Variants in DPP8 observed in about 807,000 individuals in gnomAD.
The protein encoded by DPP8 is DPP VIII.
In DPP8, 31 loss-of-function variants were observed where a neutral mutation model predicts 107.5. That is an observed-to-expected ratio of 0.29 (90% confidence interval 0.22 to 0.39). The LOEUF is 0.39. Among genes scored for constraint, DPP8 ranks in the 10% least tolerant of loss-of-function variants. The pLI, the probability that DPP8 is intolerant of heterozygous loss-of-function variation, is 1.00. For missense variants in DPP8, 842 were observed against 1,076.1 expected, an observed-to-expected ratio of 0.78 and a Z score of 3.04; for synonymous variants, 381 against 356.6, an observed-to-expected ratio of 1.07 and a Z score of -0.77.
intron 19 of DPP8, among the ~76,000 whole-genome samples, chr15:65,448,789 CATATATA>C (rs1422688755): frequency 1.1e-4 from 14 of 123,504 alleles, no homozygotes; most frequent in African/African-American, 4.2e-4. Flanking sequence ...CTAAAATATA[CATATATA>C]ATATATAAAA....
At chr15:65,506,055 G>A (rs534301291) in intron 3 of DPP8, among the ~76,000 whole-genome samples, 4 of 151,992 alleles carry the variant, frequency 2.6e-5, no homozygotes, top group East Asian at 1.9e-4. Context: ...GGCCAAGGCC[G>A]GTGCGGTGGC....
At chr15:65,485,012 A>G in intron 8 of DPP8, 87 bp downstream of exon 8, 1 of 1,106,186 alleles carries the variant, frequency 9.0e-7, no homozygotes. Flanking sequence ...AGCAAGTCCA[A>G]AAATAAAAAA....
chr15:65,451,693 G>A (rs1595848519), intron 18 of DPP8, among the ~76,000 whole-genome samples: 3 of 152,200 alleles, frequency 2.0e-5, no homozygotes, highest in Middle Eastern at 3.4e-3. Flanking sequence ...GGGAGTCTGA[G>A]GTGGGCAGAT....
At chr15:65,470,105 G>A (rs1342367092) in intron 12 of DPP8, among the ~76,000 whole-genome samples, 2 of 137,526 alleles carry the variant, frequency 1.5e-5, no homozygotes, top group African/African-American at 5.4e-5. Context: ...TTAAGCAGGA[G>A]AATCACTTGA....
intron 2 of DPP8, among the ~76,000 whole-genome samples, chr15:65,508,508 A>T (rs1888609605): frequency 6.6e-6 from 1 of 152,174 alleles, no homozygotes. Context: ...TATGGTTATG[A>T]AGATATGAAC....
intron 12 of DPP8, among the ~76,000 whole-genome samples, chr15:65,473,352 G>A (rs1291571737): frequency 6.6e-6 from 1 of 151,454 alleles, no homozygotes. Flanking sequence ...AAGAATAGAG[G>A]GAAAATAGAG....
chr15:65,500,732 T>A lies in DPP8; in HGVS notation c.420A>T (p.Arg140Ser), dbSNP rs776106680. ...CGACTGTTCCAATGCGTTTTCTTTCTCTTAATAGTTCTTCTTCTCGAGAAT... is the reference window on the plus strand; with the variant it reads ...CGACTGTTCCAATGCGTTTTCTTTCACTTAATAGTTCTTCTTCTCGAGAAT... ...GMYSREEELL[R>S]ERKRIGTVGI... The change falls in exon 4 of 20, where the codon AGA (arginine) becomes AGT (serine). Residue 140 changes from arginine to serine, a missense_variant. Transcript: ENST00000300141. 2 of 1,614,128 alleles carry A rather than the reference T, an allele frequency of 1.2e-6. No homozygotes were observed. The highest frequency in any genetic ancestry group is 1.7e-6 in the Non-Finnish European group (2 of 1,179,988).
Position 65,451,943 on chromosome 15 carries a change from A to AG in DPP8, c.2414+16_2414+17insC, listed in dbSNP as rs1261433481. ...CTGTCTCAATTTAAAAAAAAAAAAA[A>AG]AAAAGCTTGCACTTACTCAGAGGGG... On this transcript the variant is annotated intron_variant, in intron 18 of 19. Coordinates refer to ENST00000300141, the MANE Select transcript of DPP8 (RefSeq NM_130434.5). 5 of 1,567,138 alleles carry AG rather than the reference A, an allele frequency of 3.2e-6. No homozygotes were observed. Among genetic ancestry groups the AG allele is most frequent in the Non-Finnish European group, 3.4e-6 (4 of 1,167,136 alleles).
chr15:65,458,158 T>A (rs2140401231), intron 15 of DPP8, among the ~76,000 whole-genome samples: 1 of 152,328 alleles, frequency 6.6e-6, no homozygotes, highest in South Asian at 2.1e-4. Flanking sequence ...CAGTATCAAT[T>A]CTTCAAAACC....
At chr15:65,498,074 C>T (rs373267075) in intron 4 of DPP8, 42 bp from the exon 5 acceptor site, 24 of 1,399,612 alleles carry the variant, frequency 1.7e-5, no homozygotes, top group Non-Finnish European at 2.1e-5. Context: ...ATTAGGCTGA[C>T]ACATACATGT....
At chr15:65,452,751 C>T (rs909411279) in intron 17 of DPP8, among the ~76,000 whole-genome samples, 7 of 152,198 alleles carry the variant, frequency 4.6e-5, no homozygotes, top group African/African-American at 1.7e-4. Context: ...GCGGGCGGAT[C>T]ACCCAAGGTC....
chr15:65,489,412 A>ATTTT (rs1567234759), intron 6 of DPP8, among the ~76,000 whole-genome samples: 5 of 20,702 alleles, frequency 2.4e-4, no homozygotes, highest in African/African-American at 5.0e-4. Context: ...AATATAATCT[A>ATTTT]CTTTTTTTTT....
chr15:65,498,076 C>T (rs1567261121), intron 4 of DPP8, 44 bp from the exon 5 acceptor site: 1 of 1,402,446 alleles, frequency 7.1e-7, no homozygotes, highest in Non-Finnish European at 9.7e-7. Context: ...TAGGCTGACA[C>T]ATACATGTTC....
chr15:65,489,335 A>C (rs2067767100), intron 6 of DPP8, among the ~76,000 whole-genome samples: 1 of 152,064 alleles, frequency 6.6e-6, no homozygotes, highest in African/African-American at 2.4e-5. Flanking sequence ...AAACTGGCAA[A>C]GAGAATTGAG....
chr15:65,466,530 A>T (rs7496335), intron 14 of DPP8, 148 bp downstream of exon 14: 334,669 of 675,010 alleles, frequency 0.5, 89,333 homozygotes, highest in African/African-American at 0.83. Flanking sequence ...ATAGGAGAAG[A>T]GGGATCTATC....
chr15:65,507,090 T>C (rs2070125215), intron 3 of DPP8, among the ~76,000 whole-genome samples, 153 bp downstream of exon 3: 1 of 152,182 alleles, frequency 6.6e-6, no homozygotes, highest in Non-Finnish European at 1.5e-5. Context: ...TATCAAGAAT[T>C]AAATGGAATT....
At chr15:65,449,493 T>G (rs2063808299) in intron 19 of DPP8, among the ~76,000 whole-genome samples, 1 of 151,750 alleles carries the variant, frequency 6.6e-6, no homozygotes, top group Admixed American at 6.6e-5. Context: ...CACTGCAACC[T>G]CTGCCTCCCG....
intron 3 of DPP8, among the ~76,000 whole-genome samples, chr15:65,506,095 G>A (rs1401066977): frequency 6.6e-6 from 1 of 152,114 alleles, no homozygotes; most frequent in Non-Finnish European, 1.5e-5. Context: ...ACTTTGGGAG[G>A]CCGAGGCAGG....
At chr15:65,483,586 C>CAATAAAATAAAATAAAATAAAATAA (rs71139408) in intron 8 of DPP8, among the ~76,000 whole-genome samples, 20 of 140,780 alleles carry the variant, frequency 1.4e-4, no homozygotes, top group African/African-American at 4.8e-4. Flanking sequence ...TTTCTTCAAA[C>CAATAAAATAAAATAAAATAAAATAA]AATAAAATAA....
Sources: allele counts gnomAD v4.1 joint callset (sites outside exome capture counted in the v4.1 genomes callset), GRCh38; gene constraint gnomAD v4.1.1; transcripts MANE v1.5; gene names NCBI Gene and HGNC (gene_info 2026-07-23, HGNC 2026-07-21).